Variants in ITCH observed in about 807,000 individuals in gnomAD.
ITCH encodes the protein E3 ubiquitin-protein ligase Itchy homolog.
In ITCH, 28 loss-of-function variants were observed where a neutral mutation model predicts 126.8. That is an observed-to-expected ratio of 0.22 (90% CI 0.16 to 0.30). The LOEUF is 0.30. Among genes scored for constraint, ITCH ranks in the 10% least tolerant of loss-of-function variants. The pLI is 1.00. For synonymous variants in ITCH, 342 were observed against 340.0 expected, an observed-to-expected ratio of 1.01 and a Z score of -0.06; for missense variants, 631 against 1,032.4, an observed-to-expected ratio of 0.61 and a Z score of 5.33.
At chr20:34,403,167 T>C (rs1448448952) in intron 3 of ITCH, among the ~76,000 whole-genome samples, 1 of 152,238 alleles carries the variant, frequency 6.6e-6, no homozygotes, top group Non-Finnish European at 1.5e-5. Context: ...TGCTTATTTA[T>C]TTAGTTTTGG....
chr20:34,468,531 C>G (rs897638012), intron 14 of ITCH, among the ~76,000 whole-genome samples: 1 of 151,956 alleles, frequency 6.6e-6, no homozygotes, highest in Non-Finnish European at 1.5e-5. Context: ...TGGCTCACGC[C>G]TGTAATCCCA....
chr20:34,411,580 T>A (rs4911423), intron 4 of ITCH, among the ~76,000 whole-genome samples: 83,364 of 152,086 alleles, frequency 0.55, 23,353 homozygotes, highest in Admixed American at 0.64. Flanking sequence ...TAGTTTGTTT[T>A]ATCTACCCAT....
intron 2 of ITCH, among the ~76,000 whole-genome samples, chr20:34,385,837 C>T (rs1004205928): frequency 6.6e-6 from 1 of 152,110 alleles, no homozygotes; most frequent in Non-Finnish European, 1.5e-5. Context: ...GTGTGATGTT[C>T]AGAACCAAAG....
rs574055589 is a variant in ITCH, at chr20:34,480,998, C to T, written c.1953-68C>T. ...TAATTATTTAAGAACATGGGCCTTT[C>T]GTTAAAAACTTATAAATTATGATTG... is the stretch of plus-strand genomic sequence containing the variant. On this transcript the variant is annotated intron_variant, in intron 19 of 24. Coordinates refer to ENST00000374864, the MANE Select transcript of ITCH (RefSeq NM_031483.7). 541 of 1,496,800 alleles carry T rather than the reference C, an allele frequency of 3.6e-4. 1 individual carries two copies. In the African/African-American group the frequency reaches 6.5e-3, roughly 18 times the overall value. The allele number at this position is 1,496,800 out of a possible 1,614,324, so 92.7% of individuals were successfully genotyped here.
intron 14 of ITCH, among the ~76,000 whole-genome samples, chr20:34,464,220 C>G (rs1358416660): frequency 6.6e-6 from 1 of 151,390 alleles, no homozygotes. Context: ...GATCTCCTGA[C>G]CTCGTGATCC....
chr20:34,477,581 T>A (rs1988351812), intron 16 of ITCH, among the ~76,000 whole-genome samples, 191 bp from the exon 17 acceptor site: 1 of 152,166 alleles, frequency 6.6e-6, no homozygotes, highest in Admixed American at 6.5e-5. Flanking sequence ...AATATAGATG[T>A]ATATAATAAA....
intron 2 of ITCH, among the ~76,000 whole-genome samples, chr20:34,369,719 A>T (rs1601730284): frequency 6.6e-6 from 1 of 152,254 alleles, no homozygotes; most frequent in East Asian, 1.9e-4. Context: ...ACATATGCAT[A>T]CTTTTTCTAT....
intron 2 of ITCH, among the ~76,000 whole-genome samples, chr20:34,386,668 A>G (rs2038294995): frequency 6.6e-6 from 1 of 152,198 alleles, no homozygotes; most frequent in Admixed American, 6.6e-5. Context: ...AAGGTTTTCT[A>G]AGTCACAATA....
At position 34,412,646 on chromosome 20, in the gene ITCH, A is replaced by G; in HGVS notation, c.337+7A>G. On this transcript the variant is annotated splice_region_variant and intron_variant, in intron 5 of 24. Coordinates refer to ENST00000374864, the MANE Select transcript of ITCH (RefSeq NM_031483.7). ...AAGTCAAACAATATGAAACGTATGT[A>G]TGTAAGACTAATAGAAATTGCACTT... 1 of 1,601,320 alleles carries G rather than the reference A, an allele frequency of 6.2e-7. No individual in the cohort carries two copies. The highest frequency in any genetic ancestry group is 8.6e-7 in the Non-Finnish European group (1 of 1,169,096).
chr20:34,423,120 T>C (rs1337862880), intron 6 of ITCH, among the ~76,000 whole-genome samples: 1 of 152,130 alleles, frequency 6.6e-6, no homozygotes, highest in Non-Finnish European at 1.5e-5. Context: ...TAAAAATTCG[T>C]CTTTTTCTGG....
intron 12 of ITCH, among the ~76,000 whole-genome samples, chr20:34,451,205 A>G (rs1985180238): frequency 6.6e-6 from 1 of 151,392 alleles, no homozygotes; most frequent in African/African-American, 2.4e-5. Context: ...CAGGAGAGTC[A>G]CTTGAACCCG....
At chr20:34,432,102 A>G (rs1023839683) in intron 7 of ITCH, among the ~76,000 whole-genome samples, 5 of 152,010 alleles carry the variant, frequency 3.3e-5, no homozygotes, top group African/African-American at 1.2e-4. Context: ...ACGCTGCAAA[A>G]GAGAATTAAG....
chr20:34,431,437 C>G (rs1221291633), intron 7 of ITCH, among the ~76,000 whole-genome samples: 1 of 151,692 alleles, frequency 6.6e-6, no homozygotes, highest in African/African-American at 2.4e-5. Flanking sequence ...AAAGGGAGGG[C>G]CTTGGGATGG....
chr20:34,390,479 C>G (rs941842753), intron 2 of ITCH, among the ~76,000 whole-genome samples: 1 of 108,826 alleles, frequency 9.2e-6, no homozygotes, highest in African/African-American at 3.5e-5. Context: ...GAGATGAAGT[C>G]TAGCTCTATT....
At chr20:34,401,602 C>G (rs2038886482) in intron 3 of ITCH, 2 of 974,344 alleles carry the variant, frequency 2.1e-6, no homozygotes, top group South Asian at 9.5e-5. Context: ...TTACTATACT[C>G]CTTCCTAAAA....
chr20:34,373,265 A>C lies in ITCH; in HGVS notation c.-22+3795A>C, dbSNP rs1601740708. 1.1e-4 allele frequency among the ~76,000 whole-genome samples: 17 copies of C among 148,598 alleles called. No individual in the cohort carries two copies. The South Asian group carries it at 3.2e-3, about 28-fold the overall frequency. On this transcript the variant is annotated intron_variant, in intron 2 of 24. Coordinates refer to ENST00000374864, the MANE Select transcript of ITCH (RefSeq NM_031483.7). ...CTGGATTACAGGCATAAGCCACTGCACCTGGCCAAATGTATTTTTTTTTTT... is the reference window on the plus strand; with the variant it reads ...CTGGATTACAGGCATAAGCCACTGCCCCTGGCCAAATGTATTTTTTTTTTT...
chr20:34,460,431 C>A (rs1306884861), intron 13 of ITCH, among the ~76,000 whole-genome samples: 2 of 148,474 alleles, frequency 1.3e-5, no homozygotes, highest in Non-Finnish European at 3.0e-5. Context: ...GCCAAACACA[C>A]AAACTGAAAT....
At chr20:34,489,224 G>T in intron 20 of ITCH, 42 bp from the exon 21 acceptor site, 1 of 1,580,180 alleles carries the variant, frequency 6.3e-7, no homozygotes, top group Non-Finnish European at 8.7e-7. Context: ...TTAAAGATAA[G>T]ATCTAAACTT....
intron 6 of ITCH, among the ~76,000 whole-genome samples, chr20:34,415,907 A>G (rs989727232): frequency 2.3e-4 from 33 of 144,880 alleles, no homozygotes; most frequent in Admixed American, 9.7e-4. Flanking sequence ...GCTGATCACG[A>G]GGTCAGGAGT....
Sources: allele counts gnomAD v4.1 joint callset (sites outside exome capture counted in the v4.1 genomes callset), GRCh38; gene constraint gnomAD v4.1.1; transcripts MANE v1.5; gene names NCBI Gene and HGNC (gene_info 2026-07-23, HGNC 2026-07-21).